Variants in ZNF23 observed in about 807,000 individuals in gnomAD.
ZNF23 encodes zinc finger protein 23, also known as kruppel-like zinc finger factor X31.
In ZNF23, 48 loss-of-function variants were observed where a neutral mutation model predicts 56.2. The observed-to-expected ratio is 0.85, with a 90% CI of 0.68 to 1.09. The LOEUF (loss-of-function observed/expected upper bound fraction) is 1.09. ZNF23 is among the 50% of genes least tolerant of loss of function. The pLI is 0.00. For missense variants in ZNF23, 805 were observed against 811.4 expected (o/e 0.99, Z 0.10); for synonymous variants, 266 against 283.3 (o/e 0.94, Z 0.61).
At chr16:71,456,110 T>A (rs1447465357) in intron 2 of ZNF23, 1 of 450,274 alleles carries the variant, frequency 2.2e-6, no homozygotes, top group South Asian at 1.6e-5. Flanking sequence ...CTTCAGGGGA[T>A]CCGTGAAGTC....
intron 2 of ZNF23, chr16:71,455,956 A>C: frequency 2.2e-6 from 1 of 455,042 alleles, no homozygotes; most frequent in Non-Finnish European, 4.4e-6. Flanking sequence ...ACAACACAGC[A>C]CTTATCACAG....
At chr16:71,459,818 A>G (rs1597005173) in intron 1 of ZNF23, among the ~76,000 whole-genome samples, 1 of 152,192 alleles carries the variant, frequency 6.6e-6, no homozygotes, top group African/African-American at 2.4e-5. Flanking sequence ...CTTCTACTTT[A>G]CACATTTTTC....
rs1308575651 is a variant in ZNF23 at position 71,448,572 on chromosome 16, A to G, written c.1582T>C (p.Phe528Leu). ...PFECNECGRCFTSKRNLLDHH... is the reference protein window; with the variant it reads ...PFECNECGRCLTSKRNLLDHH... ...TCAAGTAGGTTTCTTTTAGAAGTAAAGCATCTCCCACACTCATTACATTCA... is the reference window on the plus strand; with the variant it reads ...TCAAGTAGGTTTCTTTTAGAAGTAAGGCATCTCCCACACTCATTACATTCA... The change falls in exon 5 of 5, where the codon TTT becomes CTT. Residue 528 changes from phenylalanine (F) to leucine (L), a missense_variant. By Grantham distance (22) the Phe-to-Leu change is conservative (BLOSUM62 0). Coordinates refer to ENST00000647773, the MANE Select transcript of ZNF23 (RefSeq NM_001381984.1). The G allele has an allele frequency of 6.2e-7, 1 of 1,613,940 alleles. No homozygotes were observed. Among genetic ancestry groups the G allele is most frequent in the South Asian group, 1.1e-5 (1 of 91,062 alleles).
rs902918066 is a variant in ZNF23, at chr16:71,454,146, A to G, written c.56T>C (p.Val19Ala). 2 of 1,613,826 alleles carry G rather than the reference A, an allele frequency of 1.2e-6. No individual in the cohort carries two copies. Among genetic ancestry groups the G allele is most frequent in the Non-Finnish European group, 1.7e-6 (2 of 1,179,900 alleles). Residue 19 changes from valine to alanine, a missense_variant, in exon 3 of 5, where the codon GTG (valine) becomes GCG (alanine). By Grantham distance (64) the Val-to-Ala change is moderately conservative (BLOSUM62 0). Transcript: ENST00000647773. ...TTCCGCCTGGGTGAAGTACACAGCC[A>G]CGTCCTCAAAGGTCACCGACTTCTG... ...WPQKSVTFED[V>A]AVYFTQAEWD...
Position 71,447,915 on chromosome 16 carries a change from G to T in ZNF23, c.*178C>A. 1 of 463,914 alleles carries T rather than the reference G, an allele frequency of 2.2e-6. No individual in the cohort carries two copies. Among genetic ancestry groups the T allele is most frequent in the Non-Finnish European group, 3.7e-6 (1 of 269,516 alleles). The allele number at this position is 463,914 out of a possible 1,614,324, so 28.7% of individuals were successfully genotyped here. Reference sequence around the variant, plus strand: ...GTTGGTACAAAACAAAGCTATTTTTGGATGTTTCTCTTTAACTGGTCATCC... The same window carrying T: ...GTTGGTACAAAACAAAGCTATTTTTTGATGTTTCTCTTTAACTGGTCATCC... On this transcript the variant is annotated 3_prime_UTR_variant, in exon 5 of 5. Coordinates refer to ENST00000647773, the MANE Select transcript of ZNF23 (RefSeq NM_001381984.1).
Position 71,448,987 on chromosome 16 carries a change from C to A in ZNF23, c.1167G>T (p.Arg389Ser). The A allele has an allele frequency of 6.2e-7, 1 of 1,613,878 alleles. No individual in the cohort carries two copies. The highest frequency in any genetic ancestry group is 8.5e-7 in the Non-Finnish European group (1 of 1,179,970). The change falls in exon 5 of 5, where the codon AGG becomes AGT. Residue 389 changes from arginine to serine, a missense_variant. Transcript: ENST00000647773. The part of the protein sequence containing the change: ...YECNECGKGF[R>S]CSSQLRQHQS... ...GATGCTGCCTAAGCTGGGAGCTGCA[C>A]CTGAAGCCTTTTCCACATTCATTAC... is the stretch of plus-strand genomic sequence containing the variant.
rs9940204 is a variant in ZNF23 at position 71,451,760 on chromosome 16, G to C, written c.268+1483C>G. The C allele has an allele frequency of 1.9e-4, 29 of 152,240 alleles. 1 individual carries two copies. The highest frequency in any genetic ancestry group is 1.8e-3 in the Admixed American group (28 of 15,304). 9.4% of individuals were successfully genotyped at this position (152,240 alleles called of 1,614,324 possible). On this transcript the variant is annotated intron_variant, in intron 4 of 4. Transcript: ENST00000647773. ...ACTGACTAAGACATCTATACTATCAGATGTCTAGTCATCCTCTCCAGAAGT... is the reference window on the plus strand; with the variant it reads ...ACTGACTAAGACATCTATACTATCACATGTCTAGTCATCCTCTCCAGAAGT...
At chr16:71,461,687 C>T (rs2043463619) in intron 1 of ZNF23, 1 of 152,184 alleles carries the variant, frequency 6.6e-6, no homozygotes, top group Non-Finnish European at 1.5e-5. Context: ...CTCCAGGAGA[C>T]AATGTCCTCC....
Position 71,448,385 on chromosome 16 carries a change from T to G in ZNF23, c.1769A>C (p.Tyr590Ser), listed in dbSNP as rs150221148. ...TGTATGGATTCTCTGGTGCACAATA[T>G]AGTTAGAACTACAGCTGAATGCTTT... Reference protein sequence around the residue: ...CEKAFSCSSNYIVHQRIHTGE... With the variant: ...CEKAFSCSSNSIVHQRIHTGE... Residue 590 changes from tyrosine to serine, a missense_variant, in exon 5 of 5, where the codon TAT (tyrosine) becomes TCT (serine). Transcript: ENST00000647773. The G allele has an allele frequency of 2.6e-4, 412 of 1,613,890 alleles. No homozygotes were observed. The highest frequency in any genetic ancestry group is 3.3e-4 in the Non-Finnish European group (395 of 1,179,990).
intron 4 of ZNF23, chr16:71,451,762 T>G (rs1419350732): frequency 1.3e-5 from 2 of 152,208 alleles, no homozygotes; most frequent in African/African-American, 4.8e-5. Context: ...TACTATCAGA[T>G]GTCTAGTCAT....
At position 71,449,274 on chromosome 16, in the gene ZNF23, G is replaced by A. The variant is rs573587803; in HGVS notation, c.880C>T (p.Pro294Ser). Residue 294 changes from proline to serine, a missense_variant, in exon 5 of 5, where the codon CCC becomes TCC. Coordinates refer to ENST00000647773, the MANE Select transcript of ZNF23 (RefSeq NM_001381984.1). ...TTCCCACACATCTTACACTGATAGG[G>A]CTTCTCCCCACTGTGGATTGTCTGA... ...THQTIHSGEKPYQCKMCGKAF... is the reference protein window; with the variant it reads ...THQTIHSGEKSYQCKMCGKAF... The A allele has an allele frequency of 6.2e-7, 1 of 1,614,176 alleles. No individual in the cohort carries two copies. Among genetic ancestry groups the A allele is most frequent in the African/African-American group, 1.3e-5 (1 of 75,038 alleles).
Position 71,456,748 on chromosome 16 carries a change from G to A in ZNF23, c.33+16C>T, listed in dbSNP as rs2043247112. 2.0e-6 allele frequency: 2 copies of A among 985,954 alleles called. No homozygotes were observed. Among genetic ancestry groups the A allele is most frequent in the Admixed American group, 1.2e-4 (2 of 16,284 alleles). The allele number at this position is 985,954 out of a possible 1,614,324, so 61.1% of individuals were successfully genotyped here. On this transcript the variant is annotated intron_variant, in intron 2 of 4. Coordinates refer to ENST00000647773, the MANE Select transcript of ZNF23 (RefSeq NM_001381984.1). ...GAAACTGCCCAGAGGAAGAGCTGAAGGACCCCACAGCTCACCTGGGGCCAG... is the reference window on the plus strand; with the variant it reads ...GAAACTGCCCAGAGGAAGAGCTGAAAGACCCCACAGCTCACCTGGGGCCAG...
Position 71,453,921 on chromosome 16 carries a change from C to T in ZNF23, c.160+121G>A, listed in dbSNP as rs1840283424. On this transcript the variant is annotated intron_variant, in intron 3 of 4. Transcript: ENST00000647773. The stretch of plus-strand genomic sequence containing the variant: ...GTAACCTCTAAGTCTAGATTAGGAA[C>T]AGCTCTGGGGTTCTCACTCAGTAAA... 4 of 1,210,570 alleles carry T rather than the reference C, an allele frequency of 3.3e-6. No homozygotes were observed. In the Admixed American group the frequency reaches 7.4e-5, roughly 22 times the overall value. 75.0% of individuals were successfully genotyped at this position (1,210,570 alleles called of 1,614,324 possible). A position where few individuals can be genotyped will look rare whatever the true frequency, so the allele number is the denominator to read the frequency against.
At chr16:71,456,201 G>A in intron 2 of ZNF23, 1 of 372,370 alleles carries the variant, frequency 2.7e-6, no homozygotes, top group Non-Finnish European at 5.3e-6. Flanking sequence ...TGCAGGACAG[G>A]GTGGAAAGCT....
rs910784038 is a variant in ZNF23, at chr16:71,448,230, A to C, written c.1924T>G (p.Phe642Val). The C allele has an allele frequency of 9.9e-6, 16 of 1,614,138 alleles. No homozygotes were observed. Among genetic ancestry groups the C allele is most frequent in the Non-Finnish European group, 1.4e-5 (16 of 1,180,048 alleles). The part of the protein sequence containing the change: ...RCVECGKGFS[F>V]SSDYIIHQTV... Reference sequence around the variant, plus strand: ...TGATGTATAATGTAGTCAGAACTAAAGCTGAAGCCTTTGCCACATTCCACA... The same window carrying C: ...TGATGTATAATGTAGTCAGAACTAACGCTGAAGCCTTTGCCACATTCCACA... The change falls in exon 5 of 5, where the codon TTT (phenylalanine) becomes GTT (valine). Residue 642 changes from phenylalanine (F) to valine (V), a missense_variant. By Grantham distance (50) the Phe-to-Val change is conservative. Transcript: ENST00000647773.
chr16:71,459,892 T>G (rs1283263555), intron 1 of ZNF23, among the ~76,000 whole-genome samples: 1 of 152,226 alleles, frequency 6.6e-6, no homozygotes, highest in African/African-American at 2.4e-5. Context: ...AAGAGAAAAC[T>G]TATTCTGTGA....
chr16:71,452,425 T>C (rs1208486930), intron 4 of ZNF23: 1 of 152,210 alleles, frequency 6.6e-6, no homozygotes, highest in East Asian at 1.9e-4. Flanking sequence ...GCAGCTACTC[T>C]GCTGGCACCA....
chr16:71,448,756 A>G lies in ZNF23; in HGVS notation c.1398T>C (p.Asn466=). The G allele has an allele frequency of 6.2e-7, 1 of 1,614,098 alleles. No homozygotes were observed. The highest frequency in any genetic ancestry group is 8.5e-7 in the Non-Finnish European group (1 of 1,180,026). The change falls in exon 5 of 5, where the codon AAT becomes AAC. Residue 466 remains asparagine, a synonymous_variant. Transcript: ENST00000647773. ...IHTGEKPYEC[N]ECGKAFRCNS... ...TACATCTGAAGGCTTTCCCGCATTC[A>G]TTACACTCATAGGGTTTCTCGCCTG... is the stretch of plus-strand genomic sequence containing the variant.
intron 4 of ZNF23, chr16:71,450,576 G>A (rs868107219): frequency 8.4e-5 from 28 of 334,172 alleles, no homozygotes; most frequent in Admixed American, 2.7e-4. Context: ...AAAATTAGCC[G>A]GGTGTGGTGG....
Sources: gnomAD v4.1 joint callset for allele counts (sites outside exome capture counted in the v4.1 genomes callset) on GRCh38, gnomAD v4.1.1 for gene constraint, MANE v1.5 for transcripts, NCBI Gene and HGNC (gene_info 2026-07-23, HGNC 2026-07-21) for gene names.